Variants in PAICS observed in about 807,000 individuals in gnomAD.
The protein encoded by PAICS is bifunctional phosphoribosylaminoimidazole carboxylase/phosphoribosylaminoimidazole succinocarboxamide synthetase.
In PAICS, 33 loss-of-function variants were observed where a neutral mutation model predicts 53.7. The observed-to-expected ratio is 0.61, with a 90% CI of 0.47 to 0.82. The LOEUF (loss-of-function observed/expected upper bound fraction) is 0.82, where lower values mean the gene tolerates loss of function less well. PAICS is among the 40% of genes least tolerant of loss of function. The probability of loss-of-function intolerance (pLI) is 0.00; values close to 1 mark genes in which losing one functional copy is unlikely to be tolerated. For missense variants in PAICS, 394 were observed against 494.1 expected (o/e 0.80, Z 1.92); for synonymous variants, 141 against 167.2 (o/e 0.84, Z 1.21).
In PAICS at chr4:56,451,902, G is replaced by T. The variant is rs993469644; in HGVS notation, c.802G>T (p.Val268Phe). ...TTTGAAATCAGAAAGTCAGTGCAGGGTTGTAGTGTTGATGGGCTCTACTTC... is the reference window on the plus strand; with the variant it reads ...TTTGAAATCAGAAAGTCAGTGCAGGTTTGTAGTGTTGATGGGCTCTACTTC... ...LLLKSESQCR[V>F]VVLMGSTSDL... The change falls in exon 7 of 9, where the codon GTT becomes TTT. Residue 268 changes from valine to phenylalanine, a missense_variant. This residue lies in a region of PAICS where 131 missense variants were observed against 205.5 expected (regional missense o/e 0.64). Coordinates refer to ENST00000512576, the MANE Select transcript of PAICS (RefSeq NM_001079524.2). 3.1e-6 allele frequency: 5 copies of T among 1,606,398 alleles called. No individual in the cohort carries two copies. In the South Asian group the frequency reaches 4.5e-5, roughly 14 times the overall value.
chr4:56,435,633 C>A, upstream of PAICS: 1 of 1,450,382 alleles, frequency 6.9e-7, no homozygotes, highest in Non-Finnish European at 9.2e-7. Context: ...CGCGCGCTGT[C>A]CCTAGGTGGC....
At chr4:56,419,179 A>T in the PAICS span, among the ~76,000 whole-genome samples, 1 of 152,356 alleles carries the variant, frequency 6.6e-6, no homozygotes, top group African/African-American at 2.4e-5. Context: ...TCGTAAGATA[A>T]AGAAAAAAGA....
chr4:56,416,155 A>G, the PAICS span, among the ~76,000 whole-genome samples: 1 of 152,174 alleles, frequency 6.6e-6, no homozygotes, highest in Non-Finnish European at 1.5e-5. Flanking sequence ...TTCTAGCAGA[A>G]CTTCAAAATG....
intron 3 of PAICS, 84 bp from the exon 4 acceptor site, chr4:56,448,334 T>G (rs1389451987): frequency 1.0e-6 from 1 of 978,472 alleles, no homozygotes; most frequent in African/African-American, 1.6e-5. Context: ...GAGTTCATGC[T>G]CAAGGTGAAA....
At chr4:56,416,390 T>C in the PAICS span, 1 of 908,466 alleles carries the variant, frequency 1.1e-6, no homozygotes. Flanking sequence ...GGAAGATGTC[T>C]CAGGAAATCC....
rs972576813 is a variant in PAICS, at chr4:56,464,219, A to G, written c.*4681A>G. ...ATATCCTATTGGTTCTGTATTTTTTAGAGAACAAATACAGCCTATTATGTA... is the reference window on the plus strand; with the variant it reads ...ATATCCTATTGGTTCTGTATTTTTTGGAGAACAAATACAGCCTATTATGTA... On this transcript the variant is annotated 3_prime_UTR_variant, in exon 9 of 9. Coordinates refer to ENST00000512576, the MANE Select transcript of PAICS (RefSeq NM_001079524.2). 1 of 152,216 alleles carries G rather than the reference A, an allele frequency of 6.6e-6. No homozygotes were observed. Among genetic ancestry groups the G allele is most frequent in the Non-Finnish European group, 1.5e-5 (1 of 68,034 alleles). 9.4% of individuals were successfully genotyped at this position (152,216 alleles called of 1,614,324 possible).
Position 56,446,893 on chromosome 4 carries a change from GT to G in PAICS, c.393+24del. The G allele has an allele frequency of 1.4e-6, 2 of 1,470,132 alleles. No individual in the cohort carries two copies. Among genetic ancestry groups the G allele is most frequent in the Non-Finnish European group, 1.9e-6 (2 of 1,069,042 alleles). 91.1% of individuals were successfully genotyped at this position (1,470,132 alleles called of 1,614,324 possible). A position where few individuals can be genotyped will look rare whatever the true frequency, so the allele number is the denominator to read the frequency against. ...TTCAAGGTAATTATCTTATGCCTCTGTTTTATGTCTTACTGTAACACGGCAA... is the reference window on the plus strand; with the variant it reads ...TTCAAGGTAATTATCTTATGCCTCTGTTTATGTCTTACTGTAACACGGCAA... On this transcript the variant is annotated intron_variant, in intron 3 of 8. Transcript: ENST00000512576.
rs1236647278 is a variant in PAICS, at chr4:56,462,451, G to A, written c.*2913G>A. The A allele has an allele frequency of 6.6e-6, 1 of 152,222 alleles. No homozygotes were observed. The highest frequency in any genetic ancestry group is 2.4e-5 in the African/African-American group (1 of 41,466). The allele number at this position is 152,222 out of a possible 1,614,324, so 9.4% of individuals were successfully genotyped here. Reference sequence around the variant, plus strand: ...TTAAAGGTTCTCTGGCTGTTGTGTGGACAAGAGGAGAAGCAGAGATTAGTT... The same window carrying A: ...TTAAAGGTTCTCTGGCTGTTGTGTGAACAAGAGGAGAAGCAGAGATTAGTT... On this transcript the variant is annotated 3_prime_UTR_variant, in exon 9 of 9. Transcript: ENST00000512576.
chr4:56,450,575 A>T (rs867195033), intron 5 of PAICS, 44 bp from the exon 6 acceptor site: 3 of 1,015,856 alleles, frequency 3.0e-6, no homozygotes, highest in South Asian at 1.4e-5. Flanking sequence ...AGTTTCAGGT[A>T]GCAAGAGATA....
chr4:56,430,395 T>C, the PAICS span, among the ~76,000 whole-genome samples: 2 of 152,178 alleles, frequency 1.3e-5, no homozygotes, highest in African/African-American at 2.4e-5. Flanking sequence ...AACTGAGGCA[T>C]AGAGAAGTCT....
intron 7 of PAICS, 63 bp from the exon 8 acceptor site, chr4:56,453,540 A>AC (rs1719028132): frequency 7.8e-7 from 1 of 1,287,028 alleles, no homozygotes; most frequent in Non-Finnish European, 1.1e-6. Context: ...AAAAAAAAAA[A>AC]AAACCCTGTC....
chr4:56,444,867 G>T (rs2110085839), intron 2 of PAICS, among the ~76,000 whole-genome samples: 1 of 152,230 alleles, frequency 6.6e-6, no homozygotes, highest in Non-Finnish European at 1.5e-5. Context: ...ACTGTGTCCA[G>T]CTTGGTAGAC....
Position 56,461,712 on chromosome 4 carries a change from C to T in PAICS, c.*2174C>T, listed in dbSNP as rs1437925195. 1 of 152,032 alleles carries T rather than the reference C, an allele frequency of 6.6e-6. No homozygotes were observed. The highest frequency in any genetic ancestry group is 1.5e-5 in the Non-Finnish European group (1 of 68,014). 9.4% of individuals were successfully genotyped at this position (152,032 alleles called of 1,614,324 possible). ...AGTTTCTTAGTAGAGTCCACATGTC[C>T]TCAGTAGTAAGTTCATCAGTGCTAA... On this transcript the variant is annotated 3_prime_UTR_variant, in exon 9 of 9. Coordinates refer to ENST00000512576, the MANE Select transcript of PAICS (RefSeq NM_001079524.2).
chr4:56,453,332 T>C (rs1719010095), intron 7 of PAICS, among the ~76,000 whole-genome samples: 1 of 152,186 alleles, frequency 6.6e-6, no homozygotes, highest in Non-Finnish European at 1.5e-5. Flanking sequence ...ATTCCCTCAC[T>C]GACACCCTGC....
rs780931477 is a variant in PAICS at position 56,446,834 on chromosome 4, A to G, written c.354A>G (p.Gly118=). ...AAAGAAATCCTGGTGTCAAGGAAGG[A>G]TATAAGTTTTACCCACCTAAAGTGG... ...FLKRNPGVKE[G]YKFYPPKVEL... Residue 118 remains glycine (G), a synonymous_variant, in exon 3 of 9, where the codon GGA becomes GGG. Transcript: ENST00000512576. 2 of 1,610,646 alleles carry G rather than the reference A, an allele frequency of 1.2e-6. No homozygotes were observed. Among genetic ancestry groups the G allele is most frequent in the South Asian group, 1.1e-5 (1 of 90,512 alleles).
rs370767700 is a variant in PAICS at position 56,452,058 on chromosome 4, C to A, written c.952+6C>A. 1.5e-5 allele frequency: 23 copies of A among 1,563,550 alleles called. No homozygotes were observed. The East Asian group carries it at 2.9e-4, about 20-fold the overall frequency. On this transcript the variant is annotated splice_donor_region_variant and intron_variant, in intron 7 of 8. Transcript: ENST00000512576. Reference sequence around the variant, plus strand: ...GATTAAAGCTGAGTATGAAGGTAAACCACAAGTAATATGGACATTTCAGGT... The same window carrying A: ...GATTAAAGCTGAGTATGAAGGTAAAACACAAGTAATATGGACATTTCAGGT...
At chr4:56,447,474 CTT>C (rs1718680367) in intron 3 of PAICS, among the ~76,000 whole-genome samples, 1 of 152,056 alleles carries the variant, frequency 6.6e-6, no homozygotes, top group Non-Finnish European at 1.5e-5. Context: ...TCACTTACCT[CTT>C]TGTCTGAGGT....
upstream of PAICS, among the ~76,000 whole-genome samples, chr4:56,433,264 T>C (rs1043564279): frequency 1.3e-5 from 2 of 151,852 alleles, no homozygotes; most frequent in African/African-American, 4.8e-5. Flanking sequence ...TTTTCAGTAA[T>C]ACATTTGTTC....
chr4:56,455,016 G>C (rs1183330626), intron 8 of PAICS, among the ~76,000 whole-genome samples: 6 of 152,052 alleles, frequency 3.9e-5, no homozygotes, highest in Non-Finnish European at 7.4e-5. Context: ...AAATTACCTA[G>C]GCATGGTGGT....
Sources: allele counts gnomAD v4.1 joint callset (sites outside exome capture counted in the v4.1 genomes callset), GRCh38; gene constraint gnomAD v4.1.1; regional missense constraint gnomAD v4.1.1; transcripts MANE v1.5; gene names NCBI Gene and HGNC (gene_info 2026-07-23, HGNC 2026-07-21).